The following ZSCAN1 variants were observed in gnomAD, a reference collection of about 807,000 sequenced individuals.
ZSCAN1 encodes the protein zinc finger and SCAN domain-containing protein 1.
In ZSCAN1, 23 loss-of-function variants were observed where a neutral mutation model predicts 23.8. The observed-to-expected ratio is 0.97, with a 90% confidence interval of 0.70 to 1.37. The LOEUF is 1.37. Among genes scored for constraint, ZSCAN1 ranks in the 40% most tolerant of loss-of-function variants. The pLI, the probability that ZSCAN1 is intolerant of heterozygous loss-of-function variation, is 0.00. For synonymous variants in ZSCAN1, 236 were observed against 232.3 expected, an observed-to-expected ratio of 1.02 and a Z score of -0.15; for missense variants, 575 against 554.0, an observed-to-expected ratio of 1.04 and a Z score of -0.38.
chr19:58,045,192 TGTGCCGACCTCTTCCGCCTG>T lies in ZSCAN1; in HGVS notation c.465+4655_465+4674del, dbSNP rs2073817224. ...GGCGCGCAGGCAGTTGCTCCGGTTC[TGTGCCGACCTCTTCCGCCTG>T]GTGCCGTTCCTCCTGTTCGTGGTGG... is the stretch of plus-strand genomic sequence containing the variant. On this transcript the variant is annotated intron_variant, in intron 4 of 5. Coordinates refer to ENST00000282326, the MANE Select transcript of ZSCAN1 (RefSeq NM_182572.4). This position sits in a 1 kb window ranked among gnomAD's most constrained non-coding sequence, Gnocchi z 4.3. 3.3e-6 allele frequency: 3 copies of T among 909,842 alleles called. No homozygotes were observed. The highest frequency in any genetic ancestry group is 1.7e-5 in the Admixed American group (1 of 58,072). 56.4% of individuals were successfully genotyped at this position (909,842 alleles called of 1,614,324 possible).
chr19:58,039,623 C>T (rs1186324072), intron 3 of ZSCAN1, among the ~76,000 whole-genome samples: 1 of 151,982 alleles, frequency 6.6e-6, no homozygotes, highest in Non-Finnish European at 1.5e-5. Context: ...AAAAATTAGC[C>T]GGGCGTGGTG....
intron 3 of ZSCAN1, among the ~76,000 whole-genome samples, chr19:58,038,795 G>A (rs989058631): frequency 1.3e-5 from 2 of 152,248 alleles, no homozygotes; most frequent in Non-Finnish European, 2.9e-5. Context: ...AGTCCCATGA[G>A]TGGGGCTCTT....
rs1406654736 is a variant in ZSCAN1 at position 58,037,876 on chromosome 19, C to T, written c.40C>T (p.Pro14Ser). 4 of 1,555,946 alleles carry T rather than the reference C, an allele frequency of 2.6e-6. No homozygotes were observed. The highest frequency in any genetic ancestry group is 3.5e-6 in the Non-Finnish European group (4 of 1,154,858). Reference sequence around the variant, plus strand: ...CAAAGCCCCTGCCTCCCCCAGACGCCCCCAGACCCCAACCCCGAGTGAGCA... The same window carrying T: ...CAAAGCCCCTGCCTCCCCCAGACGCTCCCAGACCCCAACCCCGAGTGAGCA... ...RPKAPASPRR[P>S]QTPTPSEQDA... The change falls in exon 3 of 6, where the codon CCC becomes TCC. Residue 14 changes from proline to serine, a missense_variant. Physicochemically the swap from Pro to Ser is moderately conservative, Grantham distance 74. Transcript: ENST00000282326.
chr19:58,036,945 A>G (rs2073741798), intron 2 of ZSCAN1, among the ~76,000 whole-genome samples: 1 of 152,158 alleles, frequency 6.6e-6, no homozygotes, highest in Non-Finnish European at 1.5e-5. Flanking sequence ...GGGCCTCCCA[A>G]AGTGCTGGGA....
At position 58,054,124 on chromosome 19, in the gene ZSCAN1, G is replaced by C; in HGVS notation, c.*73G>C. The C allele has an allele frequency of 7.0e-7, 1 of 1,429,886 alleles. No individual in the cohort carries two copies. 88.6% of individuals were successfully genotyped at this position (1,429,886 alleles called of 1,614,324 possible). A position where few individuals can be genotyped will look rare whatever the true frequency, so the allele number is the denominator to read the frequency against. On this transcript the variant is annotated 3_prime_UTR_variant, in exon 6 of 6. Transcript: ENST00000282326. This position sits in a 1 kb window ranked among gnomAD's most constrained non-coding sequence, Gnocchi z 4.2. ...AGCTGATGGGCCCCAGAAGATGGGG[G>C]ACATCCCCCAGCCCCACCAACCCCT...
chr19:58,036,042 C>T (rs963085239), intron 2 of ZSCAN1, 31 bp downstream of exon 2: 6 of 152,336 alleles, frequency 3.9e-5, no homozygotes, highest in Admixed American at 1.3e-4. Flanking sequence ...TTGGCCGCCC[C>T]CCATGGGCGT....
chr19:58,048,085 T>C (rs1167143635), intron 4 of ZSCAN1, among the ~76,000 whole-genome samples: 3 of 152,270 alleles, frequency 2.0e-5, no homozygotes, highest in Admixed American at 1.3e-4. Context: ...TCTCCATTAC[T>C]TGAAGCTTCT....
rs1259108049 is a variant in ZSCAN1 at position 58,045,093 on chromosome 19, C to T, written c.465+4549C>T. On this transcript the variant is annotated intron_variant, in intron 4 of 5. Transcript: ENST00000282326. This position sits in a 1 kb window ranked among gnomAD's most constrained non-coding sequence, Gnocchi z 4.3. ...GAGGCACTACTACCATGGCTTCCGC[C>T]TGCTACGGATCCACACCAAGATCGC... is the stretch of plus-strand genomic sequence containing the variant. 2.5e-5 allele frequency: 31 copies of T among 1,232,090 alleles called. No individual in the cohort carries two copies. Among genetic ancestry groups the T allele is most frequent in the Non-Finnish European group, 3.7e-5 (31 of 835,514 alleles). The allele number at this position is 1,232,090 out of a possible 1,614,324, so 76.3% of individuals were successfully genotyped here.
At position 58,040,269 on chromosome 19, in the gene ZSCAN1, C is replaced by T. The variant is rs1206439681; in HGVS notation, c.371-181C>T. On this transcript the variant is annotated intron_variant, in intron 3 of 5. Transcript: ENST00000282326. The surrounding 1 kb of genome is among the most constrained non-coding windows in gnomAD (Gnocchi z 5.8). ...TTGTCTTCAGCGGCCCTCGGTGTCA[C>T]CACAGGTTCCTGCCCAGCAGCCACA... is the stretch of plus-strand genomic sequence containing the variant. 4.6e-5 allele frequency among the ~76,000 whole-genome samples: 7 copies of T among 152,088 alleles called. No individual in the cohort carries two copies. The East Asian group carries it at 1.3e-3, about 29-fold the overall frequency.
chr19:58,046,217 G>A, intron 4 of ZSCAN1: 2 of 769,036 alleles, frequency 2.6e-6, no homozygotes, highest in Non-Finnish European at 4.8e-6. Context: ...AGCAATGCCT[G>A]CTCTAAGCTG....
At chr19:58,050,606 C>T (rs758949485) in intron 4 of ZSCAN1, among the ~76,000 whole-genome samples, 9 of 151,730 alleles carry the variant, frequency 5.9e-5, no homozygotes, top group South Asian at 2.1e-4. Flanking sequence ...CTGCAACCTC[C>T]GCCTCCTGGG....
chr19:58,044,245 C>T (rs1417780723), intron 4 of ZSCAN1, among the ~76,000 whole-genome samples: 3 of 151,866 alleles, frequency 2.0e-5, no homozygotes, highest in African/African-American at 7.2e-5. Flanking sequence ...GCACTCCAGC[C>T]CGAGCAACAG....
Position 58,037,750 on chromosome 19 carries a change from C to G in ZSCAN1, c.-87C>G. The G allele has an allele frequency of 1.4e-6, 2 of 1,418,210 alleles. No individual in the cohort carries two copies. The highest frequency in any genetic ancestry group is 1.8e-6 in the Non-Finnish European group (2 of 1,086,172). 87.9% of individuals were successfully genotyped at this position (1,418,210 alleles called of 1,614,324 possible). A position where few individuals can be genotyped will look rare whatever the true frequency, so the allele number is the denominator to read the frequency against. On this transcript the variant is annotated 5_prime_UTR_variant, in exon 3 of 6. Transcript: ENST00000282326. Reference sequence around the variant, plus strand: ...CAGGCCCCTGATTGCTGATTCTGTCCGCCTGCCACACCGGCTCTGTCCGGA... The same window carrying G: ...CAGGCCCCTGATTGCTGATTCTGTCGGCCTGCCACACCGGCTCTGTCCGGA...
Position 58,045,259 on chromosome 19 carries a change from T to A in ZSCAN1, c.465+4715T>A. On this transcript the variant is annotated intron_variant, in intron 4 of 5. Transcript: ENST00000282326. This position sits in a 1 kb window ranked among gnomAD's most constrained non-coding sequence, Gnocchi z 4.3. ...GTGGTGCCGTTCGTGGAGTTTCTGC[T>A]GCCTGTTGCTGTGAAACTCTTCCCC... The A allele has an allele frequency of 1.3e-6, 1 of 794,754 alleles. No individual in the cohort carries two copies. Among genetic ancestry groups the A allele is most frequent in the Non-Finnish European group, 2.3e-6 (1 of 431,954 alleles). 49.2% of individuals were successfully genotyped at this position (794,754 alleles called of 1,614,324 possible).
chr19:58,044,000 G>C (rs1715007074), intron 4 of ZSCAN1, among the ~76,000 whole-genome samples: 1 of 151,858 alleles, frequency 6.6e-6, no homozygotes, highest in African/African-American at 2.4e-5. Flanking sequence ...GCCGGGCGCG[G>C]TGGCTCACGC....
At position 58,054,107 on chromosome 19, in the gene ZSCAN1, G is replaced by A; in HGVS notation, c.*56G>A. The A allele has an allele frequency of 2.1e-6, 3 of 1,435,750 alleles. No individual in the cohort carries two copies. 88.9% of individuals were successfully genotyped at this position (1,435,750 alleles called of 1,614,324 possible). Reference sequence around the variant, plus strand: ...CCTGAGTCCCTGGGGGGAGCTGATGGGCCCCAGAAGATGGGGGACATCCCC... The same window carrying A: ...CCTGAGTCCCTGGGGGGAGCTGATGAGCCCCAGAAGATGGGGGACATCCCC... On this transcript the variant is annotated 3_prime_UTR_variant, in exon 6 of 6. Transcript: ENST00000282326. The surrounding 1 kb of genome is among the most constrained non-coding windows in gnomAD (Gnocchi z 4.2).
At chr19:58,034,302 G>C (rs1443116079) in intron 1 of ZSCAN1, 141 bp downstream of exon 1, 24 of 148,800 alleles carry the variant, frequency 1.6e-4, no homozygotes, top group Admixed American at 1.6e-3. Flanking sequence ...AGGCGGGCCC[G>C]GGCCCGGGAG....
intron 4 of ZSCAN1, among the ~76,000 whole-genome samples, chr19:58,050,598 G>A (rs2073853080): frequency 6.6e-6 from 1 of 151,466 alleles, no homozygotes; most frequent in South Asian, 2.1e-4. Flanking sequence ...TCAGCTCACT[G>A]CAACCTCCGC....
intron 4 of ZSCAN1, among the ~76,000 whole-genome samples, chr19:58,050,381 A>G (rs1267295986): frequency 6.6e-6 from 1 of 151,908 alleles, no homozygotes; most frequent in Admixed American, 6.6e-5. Flanking sequence ...GGTTGCAGTA[A>G]GCCAAGATTG....
Sources: gnomAD v4.1 joint callset for allele counts (sites outside exome capture counted in the v4.1 genomes callset) on GRCh38, gnomAD v4.1.1 for gene constraint, Gnocchi (gnomAD v3.1) non-coding constraint, MANE v1.5 for transcripts, NCBI Gene and HGNC (gene_info 2026-07-23, HGNC 2026-07-21) for gene names.